The following DMD variants were observed in gnomAD, a reference collection of about 807,000 sequenced individuals.
The protein encoded by DMD is dystrophin.
A neutral mutation model predicts 330.1 loss-of-function variants in DMD; 63 were observed. The ratio of observed to expected loss-of-function variants is 0.19; its 90% confidence interval spans 0.16 to 0.24. The LOEUF is 0.24. Among genes scored for constraint, DMD ranks in the 10% least tolerant of loss-of-function variants. DMD has a pLI of 1.00. For missense variants in DMD, 3,344 were observed against 2,684.1 expected, an observed-to-expected ratio of 1.25 and a Z score of -5.43; for synonymous variants, 1,223 against 959.8, an observed-to-expected ratio of 1.27 and a Z score of -5.07.
At chrX:31,490,929 C>A (rs2069241883) in intron 57 of DMD, among the ~76,000 whole-genome samples, 1 of 112,339 alleles carries the variant, frequency 8.9e-6, no homozygotes, top group Non-Finnish European at 1.9e-5. Context: ...TAATATATGA[C>A]CTGACAAATG....
At chrX:31,753,327 G>A (rs1307763553) in intron 51 of DMD, among the ~76,000 whole-genome samples, 1 of 112,139 alleles carries the variant, frequency 8.9e-6, no homozygotes, top group African/African-American at 3.2e-5. Context: ...AAGAAATCAT[G>A]AAATACAAAC....
At chrX:32,388,821 C>T (rs2097979376) in intron 32 of DMD, among the ~76,000 whole-genome samples, 1 of 110,906 alleles carries the variant, frequency 9.0e-6, no homozygotes, top group Admixed American at 9.7e-5. Flanking sequence ...GCAATCATAC[C>T]TCAGCTTTGT....
intron 50 of DMD, among the ~76,000 whole-genome samples, chrX:31,799,262 C>T (rs1396396391): frequency 1.8e-5 from 2 of 111,830 alleles, no homozygotes; most frequent in Non-Finnish European, 3.8e-5. Flanking sequence ...GAAGAAATAC[C>T]CGAGACTGGG....
chrX:33,151,174 T>G (rs1257920280), intron 1 of DMD, among the ~76,000 whole-genome samples: 2 of 112,420 alleles, frequency 1.8e-5, no homozygotes, highest in African/African-American at 6.5e-5. Context: ...GTACAGCGTT[T>G]GATTTTTAAC....
intron 45 of DMD, among the ~76,000 whole-genome samples, chrX:31,949,716 G>A (rs1207919845): frequency 9.0e-6 from 1 of 110,901 alleles, no homozygotes; most frequent in African/African-American, 3.3e-5. Context: ...CTATTCATAT[G>A]TCTATTTTTT....
chrX:32,389,758 T>C, intron 31 of DMD, 84 bp from the exon 32 acceptor site: 1 of 942,641 alleles, frequency 1.1e-6, no homozygotes. Context: ...AGATCTGCCT[T>C]TATTTCTGAA....
At chrX:33,262,361 T>A (rs2052972138) in intron 1 of DMD, among the ~76,000 whole-genome samples, 1 of 109,934 alleles carries the variant, frequency 9.1e-6, no homozygotes, top group South Asian at 3.9e-4. Context: ...ACAATAAGAG[T>A]TCCTAAAGAA....
At chrX:32,929,299 G>A (rs1315002214) in intron 2 of DMD, among the ~76,000 whole-genome samples, 3 of 111,471 alleles carry the variant, frequency 2.7e-5, no homozygotes, top group African/African-American at 9.8e-5. Context: ...TTGATTGCCT[G>A]TGTGTATAGC....
chrX:31,862,202 C>T (rs950863756), intron 48 of DMD, among the ~76,000 whole-genome samples: 4 of 111,007 alleles, frequency 3.6e-5, no homozygotes, highest in African/African-American at 1.3e-4. Context: ...GGTGCAATCT[C>T]GGCTCACTGC....
At chrX:33,033,258 T>C (rs995220212) in intron 1 of DMD, among the ~76,000 whole-genome samples, 1 of 110,401 alleles carries the variant, frequency 9.1e-6, no homozygotes, top group Non-Finnish European at 1.9e-5. Context: ...AGGTTTATTA[T>C]GCCACTGGAT....
intron 1 of DMD, among the ~76,000 whole-genome samples, chrX:33,069,424 T>G (rs1483920919): frequency 1.8e-5 from 2 of 111,734 alleles, no homozygotes; most frequent in Non-Finnish European, 3.8e-5. Context: ...TTCTGCCAAT[T>G]TACATACTAT....
chrX:32,172,567 C>T (rs1374316845), intron 44 of DMD, among the ~76,000 whole-genome samples: 2 of 111,376 alleles, frequency 1.8e-5, no homozygotes, highest in Non-Finnish European at 3.8e-5. Flanking sequence ...AAGCCTTTCT[C>T]AAGTCCCACA....
intron 1 of DMD, among the ~76,000 whole-genome samples, chrX:33,153,728 A>C: frequency 8.9e-6 from 1 of 112,650 alleles, no homozygotes; most frequent in African/African-American, 3.2e-5. Context: ...CCTTTGTTAT[A>C]AAATTAATTT....
At chrX:31,368,643 TC>T (rs2059385325) in intron 60 of DMD, among the ~76,000 whole-genome samples, 1 of 107,937 alleles carries the variant, frequency 9.3e-6, no homozygotes, top group South Asian at 4.0e-4. Context: ...TGCACCCAGG[TC>T]CCCCCGCCCT....
intron 1 of DMD, among the ~76,000 whole-genome samples, chrX:33,056,997 C>T (rs1194642631): frequency 9.0e-6 from 1 of 111,290 alleles, no homozygotes; most frequent in African/African-American, 3.3e-5. Flanking sequence ...AAAAAATGTA[C>T]TAAAGGCTGA....
intron 2 of DMD, among the ~76,000 whole-genome samples, chrX:32,853,460 G>C (rs2081293603): frequency 8.9e-6 from 1 of 111,738 alleles, no homozygotes; most frequent in African/African-American, 3.3e-5. Context: ...AAGAGACGAA[G>C]TTTGAGTTTT....
intron 1 of DMD, among the ~76,000 whole-genome samples, chrX:33,296,159 C>A: frequency 9.0e-6 from 1 of 111,028 alleles, no homozygotes; most frequent in Middle Eastern, 4.6e-3. Context: ...ATTGGCTTTT[C>A]TCCTAGTAAT....
intron 44 of DMD, among the ~76,000 whole-genome samples, chrX:32,093,173 C>G (rs1161790802): frequency 1.8e-5 from 2 of 112,292 alleles, no homozygotes; most frequent in Non-Finnish European, 3.8e-5. Context: ...CAATACTTAA[C>G]AGCTGAGAAG....
At chrX:33,300,961 A>G (rs1000009087) in intron 1 of DMD, among the ~76,000 whole-genome samples, 4 of 112,014 alleles carry the variant, frequency 3.6e-5, no homozygotes, top group Non-Finnish European at 7.5e-5. Flanking sequence ...CAGTCGCGTT[A>G]GTATTGTGGC....
Sources: gnomAD v4.1 joint callset for allele counts (sites outside exome capture counted in the v4.1 genomes callset) on GRCh38, gnomAD v4.1.1 for gene constraint, MANE v1.5 for transcripts, NCBI Gene and HGNC (gene_info 2026-07-23, HGNC 2026-07-21) for gene names.